Variants in CFAP74 observed in about 807,000 individuals in gnomAD.
The protein encoded by CFAP74 is cilia and flagella associated protein 74, also known as cilia- and flagella-associated protein 74.
Under a neutral mutation model 188.9 loss-of-function variants are expected in CFAP74, and 124 were observed. The ratio of observed to expected loss-of-function variants is 0.66; its 90% CI spans 0.57 to 0.76. The LOEUF (loss-of-function observed/expected upper bound fraction) is 0.76, where lower values mean the gene tolerates loss of function less well. Among genes scored for constraint, CFAP74 ranks in the 30% least tolerant of loss-of-function variants. The probability of loss-of-function intolerance (pLI) is 0.00; values close to 1 mark genes in which losing one functional copy is unlikely to be tolerated. For missense variants in CFAP74, 2,198 were observed against 2,165.2 expected, an observed-to-expected ratio of 1.02 and a Z score of -0.30; for synonymous variants, 956 against 916.7, an observed-to-expected ratio of 1.04 and a Z score of -0.77.
At chr1:1,948,378 C>CCTCCCGG (rs1479381060) in intron 18 of CFAP74, among the ~76,000 whole-genome samples, 2 of 148,182 alleles carry the variant, frequency 1.3e-5, no homozygotes, top group Admixed American at 6.7e-5. Context: ...TTTCAAGTGA[C>CCTCCCGG]CACAGATGCA....
chr1:1,925,952 A>G lies in CFAP74; in HGVS notation c.3949-14T>C, dbSNP rs770279362. 6.3e-6 allele frequency: 10 copies of G among 1,586,862 alleles called. No individual in the cohort carries two copies. The African/African-American group carries it at 1.1e-4, about 17-fold the overall frequency. ...TGTTTCTTGAGCCTAAAGAGACCAC[A>G]TCGCTCAGCCAGGAACCGATGTCTG... On this transcript the variant is annotated splice_polypyrimidine_tract_variant and intron_variant, in intron 32 of 38. Transcript: ENST00000682832.
chr1:1,955,470 G>T, intron 18 of CFAP74: 5 of 1,571,954 alleles, frequency 3.2e-6, no homozygotes, highest in Non-Finnish European at 4.3e-6. Flanking sequence ...GTGCCTTCAA[G>T]TCTTCGGTTA....
In CFAP74 at chr1:1,951,243, A is replaced by C. The variant is rs1027737591; in HGVS notation, c.2177-4189T>G. On this transcript the variant is annotated intron_variant, in intron 18 of 38. Coordinates refer to ENST00000682832, the MANE Select transcript of CFAP74 (RefSeq NM_001304360.2). ...CATCAGATCTCATGAGAATTCACTC[A>C]CTATTATGAGAACAGCATGGGGAAA... Among the ~76,000 whole-genome samples the C allele has an allele frequency of 4.6e-5, 7 of 152,158 alleles. 1 individual carries two copies. The highest frequency in any genetic ancestry group is 2.6e-4 in the Admixed American group (4 of 15,268).
chr1:1,988,967 T>C lies in CFAP74; in HGVS notation c.74A>G (p.Asp25Gly). Residue 25 changes from aspartate to glycine, a missense_variant, in exon 3 of 39, where the codon GAT becomes GGT. Coordinates refer to ENST00000682832, the MANE Select transcript of CFAP74 (RefSeq NM_001304360.2). Reference sequence around the variant, plus strand: ...GTCAAACTCCGGATCCTCTAATTCATCTCTTTCTAGAAATCAAGGCAAGAG... The same window carrying C: ...GTCAAACTCCGGATCCTCTAATTCACCTCTTTCTAGAAATCAAGGCAAGAG... ...ADALLLEDER[D>G]ELEDPEFDIK... is the part of the protein sequence containing the mutation. The C allele has an allele frequency of 6.7e-7, 1 of 1,502,128 alleles. No individual in the cohort carries two copies. Among genetic ancestry groups the C allele is most frequent in the Non-Finnish European group, 9.1e-7 (1 of 1,096,474 alleles). 93.0% of individuals were successfully genotyped at this position (1,502,128 alleles called of 1,614,324 possible).
At position 1,941,503 on chromosome 1, in the gene CFAP74, A is replaced by G. The variant is rs111387984; in HGVS notation, c.2615+525T>C. 2.3e-3 allele frequency among the ~76,000 whole-genome samples: 347 copies of G among 152,368 alleles called. 1 individual carries two copies. Among genetic ancestry groups the G allele is most frequent in the African/African-American group, 8.0e-3 (332 of 41,584 alleles). On this transcript the variant is annotated intron_variant, in intron 22 of 38. Transcript: ENST00000682832. ...AAGAGCCTTGGATTAGACGAGGGACAGCTGGGTGACAGGGACACCCTCAAG... is the reference window on the plus strand; with the variant it reads ...AAGAGCCTTGGATTAGACGAGGGACGGCTGGGTGACAGGGACACCCTCAAG...
chr1:1,959,910 G>A (rs1199474406), intron 15 of CFAP74, 54 bp downstream of exon 15: 1 of 1,477,072 alleles, frequency 6.8e-7, no homozygotes, highest in African/African-American at 1.5e-5. Flanking sequence ...CCCGATCACA[G>A]GCTCCACCCA....
intron 25 of CFAP74, among the ~76,000 whole-genome samples, chr1:1,932,598 TTC>T (rs1427489427): frequency 6.6e-6 from 1 of 151,478 alleles, no homozygotes; most frequent in Non-Finnish European, 1.5e-5. Context: ...CTTTCTTTTT[TTC>T]TTTTTTTTTT....
At chr1:1,967,880 TGTGA>T (rs1240484684) in intron 11 of CFAP74, among the ~76,000 whole-genome samples, 9 of 152,058 alleles carry the variant, frequency 5.9e-5, no homozygotes, top group East Asian at 3.9e-4. Flanking sequence ...AGGCCCTGGA[TGTGA>T]GTGAGTGAGT....
intron 24 of CFAP74, 25 bp downstream of exon 24, chr1:1,939,569 C>G: frequency 6.5e-7 from 1 of 1,530,834 alleles, no homozygotes. Context: ...ACCCCTCTTA[C>G]CCCAGGCCTG....
chr1:1,943,673 C>T (rs1387862274), intron 21 of CFAP74, among the ~76,000 whole-genome samples: 1 of 152,244 alleles, frequency 6.6e-6, no homozygotes, highest in Non-Finnish European at 1.5e-5. Flanking sequence ...TGCCTGTGTC[C>T]ACGAGGGGCT....
chr1:1,932,414 A>G (rs1380301121), intron 25 of CFAP74, among the ~76,000 whole-genome samples: 1 of 151,544 alleles, frequency 6.6e-6, no homozygotes, highest in Non-Finnish European at 1.5e-5. Flanking sequence ...AAAAAAAAGA[A>G]AAGAAAAATG....
chr1:1,939,010 G>A lies in CFAP74; in HGVS notation c.2878-22C>T, dbSNP rs531970824. ...CAAACTGGAAATAGAAGAGTGCTCT[G>A]AGGGCATGTCACGGGGAGACCATGT... is the stretch of plus-strand genomic sequence containing the variant. On this transcript the variant is annotated intron_variant, in intron 24 of 38. Coordinates refer to ENST00000682832, the MANE Select transcript of CFAP74 (RefSeq NM_001304360.2). 51 of 1,534,298 alleles carry A rather than the reference G, an allele frequency of 3.3e-5. No individual in the cohort carries two copies. The Admixed American group carries it at 4.3e-4, about 13-fold the overall frequency.
chr1:1,974,271 T>C lies in CFAP74; in HGVS notation c.501-73A>G. 2.8e-6 allele frequency: 4 copies of C among 1,443,262 alleles called. No individual in the cohort carries two copies. In the South Asian group the frequency reaches 4.0e-5, roughly 14 times the overall value. 89.4% of individuals were successfully genotyped at this position (1,443,262 alleles called of 1,614,324 possible). ...TGGGGTGGGGGTTTCGGCATTGAGT[T>C]CTGACAAATCCTCCAGGCAGATGTT... is the stretch of plus-strand genomic sequence containing the variant. On this transcript the variant is annotated intron_variant, in intron 6 of 38. Coordinates refer to ENST00000682832, the MANE Select transcript of CFAP74 (RefSeq NM_001304360.2).
chr1:1,937,783 C>T (rs1015985345), intron 25 of CFAP74, among the ~76,000 whole-genome samples: 7 of 152,128 alleles, frequency 4.6e-5, no homozygotes, highest in Non-Finnish European at 8.8e-5. Flanking sequence ...CCCTCAGGCT[C>T]AGGGAGGTGC....
At chr1:2,000,474 G>A (rs1658153414) in intron 1 of CFAP74, among the ~76,000 whole-genome samples, 1 of 152,202 alleles carries the variant, frequency 6.6e-6, no homozygotes, top group Non-Finnish European at 1.5e-5. Flanking sequence ...CACCTGTTGT[G>A]TTAGCTTCCC....
At chr1:1,960,232 C>T in intron 14 of CFAP74, 1 of 577,588 alleles carries the variant, frequency 1.7e-6, no homozygotes, top group Admixed American at 3.7e-5. Flanking sequence ...GCAGGGGGCG[C>T]TCCAGTGTGT....
At chr1:1,988,839 CCCACCCCCACCCCCCCACACCCACCT>C (rs750372120) in intron 3 of CFAP74, 24 bp downstream of exon 3, 6 of 390,924 alleles carry the variant, frequency 1.5e-5, no homozygotes, top group East Asian at 6.3e-5. Context: ...CACCCCCACC[CCCACCCCCACCCCCCCACACCCACCT>C]CCACCCCCGA....
At position 1,993,946 on chromosome 1, in the gene CFAP74, C is replaced by T. The variant is rs191254258; in HGVS notation, c.-19-2971G>A. 5.3e-4 allele frequency among the ~76,000 whole-genome samples: 80 copies of T among 151,098 alleles called. No individual in the cohort carries two copies. In the East Asian group the frequency reaches 0.015, roughly 28 times the overall value. ...GCAGTGAGCCGAGATCACACCACTG[C>T]ACTCCAGCCTGGGCGACAGAGCAAG... is the stretch of plus-strand genomic sequence containing the variant. On this transcript the variant is annotated intron_variant, in intron 1 of 38. Coordinates refer to ENST00000682832, the MANE Select transcript of CFAP74 (RefSeq NM_001304360.2).
intron 33 of CFAP74, 62 bp from the exon 34 acceptor site, chr1:1,924,582 G>T: frequency 6.5e-7 from 1 of 1,542,010 alleles, no homozygotes; most frequent in Non-Finnish European, 8.8e-7. Flanking sequence ...CCTTCCTGTC[G>T]TCGGTGCCCA....
Sources: gnomAD v4.1 joint callset for allele counts (sites outside exome capture counted in the v4.1 genomes callset) on GRCh38, gnomAD v4.1.1 for gene constraint, MANE v1.5 for transcripts, NCBI Gene and HGNC (gene_info 2026-07-23, HGNC 2026-07-21) for gene names.